The following KCNJ16 variants were observed in gnomAD, a reference collection of about 807,000 sequenced individuals.
The protein encoded by KCNJ16 is potassium inwardly rectifying channel subfamily J member 16.
KCNJ16 carries 15 observed loss-of-function variants against 18.5 expected under a neutral mutation model. The observed-to-expected ratio is 0.81, with a 90% confidence interval of 0.54 to 1.25. KCNJ16 has a LOEUF of 1.25. KCNJ16 is among the 50% of genes most tolerant of loss of function. KCNJ16 has a pLI of 0.00. For synonymous variants in KCNJ16, 174 were observed against 186.5 expected, an observed-to-expected ratio of 0.93 and a Z score of 0.55; for missense variants, 523 against 525.7, an observed-to-expected ratio of 0.99 and a Z score of 0.05.
chr17:70,078,401 C>A (rs2071408548), intron 1 of KCNJ16, among the ~76,000 whole-genome samples: 1 of 152,142 alleles, frequency 6.6e-6, no homozygotes, highest in African/African-American at 2.4e-5. Flanking sequence ...AAGATCACCT[C>A]CATTCCTAAT....
intron 2 of KCNJ16, among the ~76,000 whole-genome samples, chr17:70,123,989 A>G (rs192786776): frequency 6.6e-6 from 1 of 152,352 alleles, no homozygotes; most frequent in African/African-American, 2.4e-5. Context: ...ATAACTTCTT[A>G]TGGAAACCAG....
intron 2 of KCNJ16, among the ~76,000 whole-genome samples, chr17:70,109,104 T>C (rs1190884016): frequency 6.6e-6 from 1 of 152,152 alleles, no homozygotes; most frequent in Non-Finnish European, 1.5e-5. Flanking sequence ...CAGGTCCAAA[T>C]AGCCACCATC....
rs370709407 is a variant in KCNJ16, at chr17:70,132,882, C to T, written c.795C>T (p.Ala265=). The change falls in exon 4 of 4, where the codon GCC becomes GCT. Residue 265 remains alanine, a synonymous_variant. Transcript: ENST00000392671. Reference sequence around the variant, plus strand: ...TTGACCATGAGAGCCCTCTGTATGCCCTTGACCGCAAAGCAGTAGCCAAAG... The same window carrying T: ...TTGACCATGAGAGCCCTCTGTATGCTCTTGACCGCAAAGCAGTAGCCAAAG... The part of the protein sequence containing the change: ...HEIDHESPLY[A]LDRKAVAKDN... 1,016 of 1,614,016 alleles carry T rather than the reference C, an allele frequency of 6.3e-4. 17 individuals carry two copies. In the South Asian group the frequency reaches 0.011, roughly 17 times the overall value.
chr17:70,127,379 A>G (rs1391391387), intron 2 of KCNJ16, among the ~76,000 whole-genome samples: 2 of 152,090 alleles, frequency 1.3e-5, no homozygotes, highest in Non-Finnish European at 2.9e-5. Flanking sequence ...AGCTCCACCT[A>G]AGCGGGTCTG....
At chr17:70,118,992 G>A (rs1359827098) in intron 2 of KCNJ16, among the ~76,000 whole-genome samples, 4 of 152,074 alleles carry the variant, frequency 2.6e-5, no homozygotes, top group Non-Finnish European at 5.9e-5. Context: ...GATACAATAG[G>A]GGCATTGTAC....
At chr17:70,118,726 C>T (rs56117112) in intron 2 of KCNJ16, among the ~76,000 whole-genome samples, 7,061 of 152,180 alleles carry the variant, frequency 0.046, 513 homozygotes, top group African/African-American at 0.16. Flanking sequence ...AAACACAAAA[C>T]ACCTCCCACC....
rs550092717 is a variant in KCNJ16, at chr17:70,086,054, C to T, written c.-300+10664C>T. Among the ~76,000 whole-genome samples, 11 of 152,158 alleles carry T rather than the reference C, an allele frequency of 7.2e-5. No individual in the cohort carries two copies. The East Asian group carries it at 2.1e-3, about 29-fold the overall frequency. The stretch of plus-strand genomic sequence containing the variant: ...ACCATTTATTTGATGGGGAAAATGT[C>T]AATAAAATTAGAGCCCAATAGGCCT... On this transcript the variant is annotated intron_variant, in intron 1 of 3. Transcript: ENST00000392671.
At chr17:70,125,593 C>T (rs889397961) in intron 2 of KCNJ16, among the ~76,000 whole-genome samples, 6 of 152,070 alleles carry the variant, frequency 3.9e-5, no homozygotes, top group South Asian at 2.1e-4. Context: ...AGAAAGAATT[C>T]GGGGCCAGTC....
chr17:70,097,075 C>G (rs1456449026), intron 1 of KCNJ16: 1 of 383,954 alleles, frequency 2.6e-6, no homozygotes, highest in East Asian at 3.7e-5. Context: ...ATTTCATAAT[C>G]ACACAAAGGA....
intron 1 of KCNJ16, among the ~76,000 whole-genome samples, chr17:70,095,883 T>C (rs1480912042): frequency 3.9e-5 from 5 of 127,446 alleles, no homozygotes; most frequent in Admixed American, 8.1e-5. Context: ...TTTTTTTTTT[T>C]TTTTTTTTTT....
At chr17:70,131,203 A>T in intron 3 of KCNJ16, 1 of 749,294 alleles carries the variant, frequency 1.3e-6, no homozygotes, top group Non-Finnish European at 1.9e-6. Flanking sequence ...TCAAAAAAAA[A>T]AAAAAAGAAA....
chr17:70,088,021 CAA>C (rs10661960), intron 1 of KCNJ16, among the ~76,000 whole-genome samples: 1,305 of 79,388 alleles, frequency 0.016, 19 homozygotes, highest in Admixed American at 0.026. Context: ...GACTCTGTCT[CAA>C]AAAAAAAAAA....
intron 2 of KCNJ16, among the ~76,000 whole-genome samples, chr17:70,114,043 G>C (rs7209793): frequency 0.014 from 2,184 of 152,082 alleles, 55 homozygotes; most frequent in African/African-American, 0.049. Context: ...ATCTTCCTAG[G>C]AAGATCTTTT....
Position 70,133,162 on chromosome 17 carries a change from G to C in KCNJ16, c.1075G>C (p.Val359Leu). 1.2e-6 allele frequency: 2 copies of C among 1,614,212 alleles called. No homozygotes were observed. Among genetic ancestry groups the C allele is most frequent in the South Asian group, 1.1e-5 (1 of 91,086 alleles). Residue 359 changes from valine to leucine, a missense_variant, in exon 4 of 4, where the codon GTT (valine) becomes CTT (leucine). Transcript: ENST00000392671. ...GCTCCACATAGAAAAAGCACCACCA[G>C]TTCGAGAATCCTGCACGTCGGACAC... is the stretch of plus-strand genomic sequence containing the variant. Reference protein sequence around the residue: ...QQLHIEKAPPVRESCTSDTKA... With the variant: ...QQLHIEKAPPLRESCTSDTKA...
chr17:70,091,373 G>A lies in KCNJ16; in HGVS notation c.-299-9285G>A, dbSNP rs562606642. 4.6e-5 allele frequency among the ~76,000 whole-genome samples: 7 copies of A among 152,190 alleles called. No individual in the cohort carries two copies. In the South Asian group the frequency reaches 1.0e-3, roughly 23 times the overall value. On this transcript the variant is annotated intron_variant, in intron 1 of 3. Transcript: ENST00000392671. ...CTAACTTCCTGTGGACTACAATCAC[G>A]TCTTATACATCATAAATTTGCTAAC...
chr17:70,079,236 T>TG (rs1468611961), intron 1 of KCNJ16, among the ~76,000 whole-genome samples: 3 of 152,190 alleles, frequency 2.0e-5, no homozygotes, highest in African/African-American at 7.2e-5. Flanking sequence ...ATAGGAAACT[T>TG]GGATGGCATT....
At chr17:70,112,664 T>C (rs896879865) in intron 2 of KCNJ16, among the ~76,000 whole-genome samples, 4 of 152,172 alleles carry the variant, frequency 2.6e-5, no homozygotes, top group Non-Finnish European at 5.9e-5. Context: ...CAAAAGGTAA[T>C]TTTATTACCA....
intron 2 of KCNJ16, among the ~76,000 whole-genome samples, chr17:70,118,978 C>G (rs915750497): frequency 1.3e-5 from 2 of 152,148 alleles, no homozygotes; most frequent in Non-Finnish European, 2.9e-5. Flanking sequence ...TTAGTTACTT[C>G]CAAGATACAA....
intron 2 of KCNJ16, among the ~76,000 whole-genome samples, chr17:70,120,831 A>G (rs913222904): frequency 1.3e-5 from 2 of 152,184 alleles, no homozygotes; most frequent in Non-Finnish European, 2.9e-5. Flanking sequence ...GCAGGGATAG[A>G]TATCCAAACT....
Sources: gnomAD v4.1 joint callset for allele counts (sites outside exome capture counted in the v4.1 genomes callset) on GRCh38, gnomAD v4.1.1 for gene constraint, MANE v1.5 for transcripts, NCBI Gene and HGNC (gene_info 2026-07-23, HGNC 2026-07-21) for gene names.